Variants in ANO6 observed in about 807,000 individuals in gnomAD.
The protein encoded by ANO6 is anoctamin-6.
ANO6 carries 106 observed loss-of-function variants against 117.5 expected under a neutral mutation model. That is an observed-to-expected ratio of 0.90 (90% CI 0.77 to 1.06). ANO6 has a LOEUF of 1.06. Ranked by LOEUF, ANO6 falls within the 50% of genes least tolerant of loss-of-function variation. The probability of loss-of-function intolerance (pLI) is 0.00; values close to 1 mark genes in which losing one functional copy is unlikely to be tolerated. For synonymous variants in ANO6, 367 were observed against 385.1 expected (o/e 0.95, Z 0.55); for missense variants, 955 against 1,121.1 (o/e 0.85, Z 2.12).
intron 2 of ANO6, among the ~76,000 whole-genome samples, chr12:45,312,698 T>C (rs1006273492): frequency 6.6e-6 from 1 of 152,084 alleles, no homozygotes; most frequent in African/African-American, 2.4e-5. Flanking sequence ...AGAAAACTCT[T>C]AATGGCTTCT....
At chr12:45,290,568 C>A (rs1939061643) in intron 1 of ANO6, among the ~76,000 whole-genome samples, 1 of 152,144 alleles carries the variant, frequency 6.6e-6, no homozygotes, top group South Asian at 2.1e-4. Flanking sequence ...ACCAGTTAGA[C>A]TGTGAAGCAA....
chr12:45,257,222 C>G (rs1285690171), intron 1 of ANO6, among the ~76,000 whole-genome samples: 2 of 152,184 alleles, frequency 1.3e-5, no homozygotes, highest in African/African-American at 4.8e-5. Context: ...TGCATGTTTT[C>G]TGAGGGCAGT....
At chr12:45,434,808 C>G (rs1405201279), downstream of ANO6, among the ~76,000 whole-genome samples, 2 of 152,172 alleles carry the variant, frequency 1.3e-5, no homozygotes, top group Non-Finnish European at 2.9e-5. Flanking sequence ...TTTAAATGCT[C>G]TTTTCATTGG....
intron 1 of ANO6, among the ~76,000 whole-genome samples, chr12:45,270,839 C>A (rs1592900062): frequency 6.6e-6 from 1 of 152,128 alleles, no homozygotes; most frequent in Non-Finnish European, 1.5e-5. Flanking sequence ...GCAACCTCTG[C>A]TTCCCAAGTA....
At chr12:45,237,942 C>G (rs994397044) in intron 1 of ANO6, among the ~76,000 whole-genome samples, 3 of 152,138 alleles carry the variant, frequency 2.0e-5, no homozygotes, top group Non-Finnish European at 4.4e-5. Flanking sequence ...TCCCTCACAT[C>G]TCTTGTAAGT....
Position 45,216,321 on chromosome 12 carries a change from C to T in ANO6, c.-1C>T, listed in dbSNP as rs753622363. 2.4e-5 allele frequency: 39 copies of T among 1,610,142 alleles called. No individual in the cohort carries two copies. In the Middle Eastern group the frequency reaches 4.9e-4, roughly 20 times the overall value. ...GTTCGGAGCCGCCTTCTGAGGGAGA[C>T]ATGAAAAAGATGAGCAGGAATGTTT... On this transcript the variant is annotated 5_prime_UTR_variant, in exon 1 of 20. Transcript: ENST00000320560.
chr12:45,375,092 C>T (rs1011669531), intron 9 of ANO6, among the ~76,000 whole-genome samples: 7 of 152,060 alleles, frequency 4.6e-5, no homozygotes, highest in Admixed American at 2.6e-4. Context: ...CATGAGTGAA[C>T]TCCCATTCAC....
At chr12:45,319,373 T>G (rs1415577891) in intron 2 of ANO6, among the ~76,000 whole-genome samples, 1 of 152,224 alleles carries the variant, frequency 6.6e-6, no homozygotes, top group Non-Finnish European at 1.5e-5. Flanking sequence ...ATTGAGATAA[T>G]CATGTGGTTT....
chr12:45,322,614 A>G (rs1049952653), intron 2 of ANO6, among the ~76,000 whole-genome samples: 1 of 152,150 alleles, frequency 6.6e-6, no homozygotes, highest in African/African-American at 2.4e-5. Flanking sequence ...GGAGAACTGG[A>G]TGCAAGGAGA....
intron 11 of ANO6, among the ~76,000 whole-genome samples, chr12:45,389,605 ATTGC>A (rs1367875692): frequency 6.6e-6 from 1 of 152,154 alleles, no homozygotes; most frequent in Non-Finnish European, 1.5e-5. Context: ...TTTCACTTTC[ATTGC>A]CCACATACCC....
intron 9 of ANO6, among the ~76,000 whole-genome samples, chr12:45,368,875 C>A (rs1417235157): frequency 6.6e-6 from 1 of 152,122 alleles, no homozygotes; most frequent in Non-Finnish European, 1.5e-5. Flanking sequence ...TATACAACAA[C>A]CCTGTGAGAT....
downstream of ANO6, among the ~76,000 whole-genome samples, chr12:45,433,185 C>T (rs1943667820): frequency 6.6e-6 from 1 of 152,226 alleles, no homozygotes; most frequent in Non-Finnish European, 1.5e-5. Context: ...CTACCTACAG[C>T]TTCCCACATC....
chr12:45,229,258 T>C (rs1267799940), intron 1 of ANO6, among the ~76,000 whole-genome samples: 1 of 152,210 alleles, frequency 6.6e-6, no homozygotes, highest in African/African-American at 2.4e-5. Context: ...CCCTGCTGTA[T>C]GTACTGTGGA....
At chr12:45,285,727 C>CA (rs1204485374) in intron 1 of ANO6, among the ~76,000 whole-genome samples, 2,980 of 101,604 alleles carry the variant, frequency 0.029, 34 homozygotes, top group Non-Finnish European at 0.042. Flanking sequence ...GACTCCGTCT[C>CA]AAAAAAAAAA....
intron 1 of ANO6, among the ~76,000 whole-genome samples, chr12:45,217,087 A>G (rs146462595): frequency 6.6e-6 from 1 of 152,180 alleles, no homozygotes; most frequent in Non-Finnish European, 1.5e-5. Context: ...TTAAAAATGC[A>G]TGGAAGTGAC....
At chr12:45,238,775 C>T (rs929033461) in intron 1 of ANO6, among the ~76,000 whole-genome samples, 1 of 152,096 alleles carries the variant, frequency 6.6e-6, no homozygotes, top group Non-Finnish European at 1.5e-5. Context: ...TGTTGAAGGC[C>T]TTTTCTGCAT....
intron 8 of ANO6, among the ~76,000 whole-genome samples, chr12:45,359,882 C>A (rs1941509654): frequency 6.6e-6 from 1 of 152,198 alleles, no homozygotes; most frequent in Non-Finnish European, 1.5e-5. Flanking sequence ...TCCAAAGTGA[C>A]TGCATATTCC....
chr12:45,397,598 A>C (rs879106189), intron 12 of ANO6, among the ~76,000 whole-genome samples: 1 of 152,214 alleles, frequency 6.6e-6, no homozygotes, highest in African/African-American at 2.4e-5. Context: ...ATGTCCACCA[A>C]TGATAGACTG....
chr12:45,401,275 A>G (rs1163785924), intron 12 of ANO6, among the ~76,000 whole-genome samples: 2 of 152,216 alleles, frequency 1.3e-5, no homozygotes, highest in South Asian at 2.1e-4. Context: ...TGACACTTCA[A>G]TTGGTGATAG....
Sources: gnomAD v4.1 joint callset for allele counts (sites outside exome capture counted in the v4.1 genomes callset) on GRCh38, gnomAD v4.1.1 for gene constraint, MANE v1.5 for transcripts, NCBI Gene and HGNC (gene_info 2026-07-23, HGNC 2026-07-21) for gene names.